LZTFL1: variants seen among roughly 807,000 people sequenced by gnomAD.
LZTFL1 encodes leucine zipper transcription factor like 1.
LZTFL1 carries 25 observed loss-of-function variants against 45.9 expected under a neutral mutation model. The ratio of observed to expected loss-of-function variants is 0.54; its 90% CI spans 0.40 to 0.76. The LOEUF (loss-of-function observed/expected upper bound fraction) is 0.76, where lower values mean the gene tolerates loss of function less well. LZTFL1 is among the 30% of genes least tolerant of loss of function. The pLI is 0.00. For missense variants in LZTFL1, 277 were observed against 331.1 expected, an observed-to-expected ratio of 0.84 and a Z score of 1.27; for synonymous variants, 93 against 117.4, an observed-to-expected ratio of 0.79 and a Z score of 1.35.
At chr3:45,835,864 C>T in intron 2 of LZTFL1, 80 bp from the exon 3 acceptor site, 1 of 958,060 alleles carries the variant, frequency 1.0e-6, no homozygotes, top group Admixed American at 2.6e-5. Flanking sequence ...AAGAAACCCA[C>T]ATTCATGTAA....
At chr3:45,883,855 A>G (rs905797491) in intron 2 of LZTFL1, 23 of 535,460 alleles carry the variant, frequency 4.3e-5, no homozygotes, top group African/African-American at 4.3e-4. Context: ...CAGAGCAAGG[A>G]TTCAGTTAAG....
chr3:45,859,598 G>A (rs1001206022), intron 2 of LZTFL1, among the ~76,000 whole-genome samples: 5 of 150,304 alleles, frequency 3.3e-5, no homozygotes, highest in East Asian at 3.9e-4. Flanking sequence ...AAAAATTAAC[G>A]AATGAATGAA....
At chr3:45,832,424 T>A (rs1700851161) in intron 5 of LZTFL1, among the ~76,000 whole-genome samples, 1 of 152,166 alleles carries the variant, frequency 6.6e-6, no homozygotes, top group Non-Finnish European at 1.5e-5. Flanking sequence ...AAGAAACTGC[T>A]CATTGGAGCA....
chr3:45,848,946 C>G (rs1559408759), intron 4 of LZTFL1, among the ~76,000 whole-genome samples: 1 of 152,098 alleles, frequency 6.6e-6, no homozygotes, highest in African/African-American at 2.4e-5. Flanking sequence ...TGAAAAATAT[C>G]CATGTATAAG....
At chr3:45,896,549 T>A (rs1426618402) in intron 2 of LZTFL1, among the ~76,000 whole-genome samples, 1 of 152,114 alleles carries the variant, frequency 6.6e-6, no homozygotes, top group Admixed American at 6.5e-5. Flanking sequence ...AGACCGAGAC[T>A]GGGGAAGGTG....
intron 1 of LZTFL1, among the ~76,000 whole-genome samples, chr3:45,838,561 T>C (rs909037676): frequency 6.6e-6 from 1 of 152,368 alleles, no homozygotes; most frequent in Admixed American, 6.5e-5. Flanking sequence ...AACTCTGTTA[T>C]AGCAGCTTAA....
chr3:45,879,239 CA>C (rs1488212826), intron 2 of LZTFL1, among the ~76,000 whole-genome samples: 2 of 152,128 alleles, frequency 1.3e-5, no homozygotes, highest in African/African-American at 4.8e-5. Flanking sequence ...CATAATTGCC[CA>C]AACCTGGAAG....
intron 2 of LZTFL1, among the ~76,000 whole-genome samples, chr3:45,877,526 G>A (rs902088526): frequency 3.3e-5 from 5 of 151,920 alleles, no homozygotes; most frequent in African/African-American, 7.3e-5. Context: ...AAACCACTGC[G>A]CCTGGCCACA....
intron 5 of LZTFL1, among the ~76,000 whole-genome samples, chr3:45,832,053 G>A (rs895081746): frequency 1.3e-5 from 2 of 152,080 alleles, no homozygotes; most frequent in African/African-American, 4.8e-5. Context: ...GGCTAACATG[G>A]TGAAACCCCA....
At chr3:45,873,099 A>G (rs1222796773) in intron 2 of LZTFL1, among the ~76,000 whole-genome samples, 2 of 152,264 alleles carry the variant, frequency 1.3e-5, no homozygotes, top group Non-Finnish European at 2.9e-5. Context: ...AAGACTTAAG[A>G]CAAACCTGTT....
At chr3:45,880,319 T>A (rs1470782080) in intron 2 of LZTFL1, among the ~76,000 whole-genome samples, 1 of 152,068 alleles carries the variant, frequency 6.6e-6, no homozygotes, top group African/African-American at 2.4e-5. Context: ...CTGGCCCACA[T>A]GCTAAAACCC....
At chr3:45,891,892 C>CT (rs1298701316) in intron 2 of LZTFL1, among the ~76,000 whole-genome samples, 1 of 151,998 alleles carries the variant, frequency 6.6e-6, no homozygotes, top group Non-Finnish European at 1.5e-5. Flanking sequence ...TTAGGTTGAC[C>CT]TTTTTTCCAG....
intron 2 of LZTFL1, among the ~76,000 whole-genome samples, chr3:45,887,005 G>C (rs1312555783): frequency 6.6e-6 from 1 of 152,148 alleles, no homozygotes; most frequent in Non-Finnish European, 1.5e-5. Flanking sequence ...CTGAGACACT[G>C]CCCCATGGAA....
chr3:45,839,622 T>C (rs1404760328), intron 1 of LZTFL1, among the ~76,000 whole-genome samples: 1 of 152,226 alleles, frequency 6.6e-6, no homozygotes, highest in African/African-American at 2.4e-5. Context: ...AGAATCTGAA[T>C]CCTACCCAGT....
intron 2 of LZTFL1, among the ~76,000 whole-genome samples, chr3:45,909,708 C>T (rs189777053): frequency 3.0e-4 from 45 of 152,326 alleles, no homozygotes; most frequent in Non-Finnish European, 1.5e-5. Context: ...GACGGAGTCC[C>T]CTGGGGATAG....
At chr3:45,885,129 T>A (rs1021083572) in intron 2 of LZTFL1, among the ~76,000 whole-genome samples, 1 of 152,198 alleles carries the variant, frequency 6.6e-6, no homozygotes, top group African/African-American at 2.4e-5. Flanking sequence ...ATCCCTTTGC[T>A]CTACGGGAAC....
chr3:45,839,362 A>G (rs1461527887), intron 1 of LZTFL1, among the ~76,000 whole-genome samples: 2 of 152,200 alleles, frequency 1.3e-5, no homozygotes, highest in Non-Finnish European at 2.9e-5. Context: ...TGCTGGGATT[A>G]CAGAGGTGAG....
At chr3:45,897,238 G>A (rs1259226967) in intron 2 of LZTFL1, among the ~76,000 whole-genome samples, 1 of 152,210 alleles carries the variant, frequency 6.6e-6, no homozygotes, top group African/African-American at 2.4e-5. Context: ...TCATGACACA[G>A]GGGGTGTTGT....
intron 4 of LZTFL1, among the ~76,000 whole-genome samples, chr3:45,833,839 C>T (rs1210825270): frequency 6.6e-6 from 1 of 152,150 alleles, no homozygotes; most frequent in Non-Finnish European, 1.5e-5. Flanking sequence ...GTATTGTCTC[C>T]ATTTGTCAGA....
Sources: gnomAD v4.1 joint callset for allele counts (sites outside exome capture counted in the v4.1 genomes callset) on GRCh38, gnomAD v4.1.1 for gene constraint, MANE v1.5 for transcripts, NCBI Gene and HGNC (gene_info 2026-07-23, HGNC 2026-07-21) for gene names.